NBAS: variants seen among roughly 807,000 people sequenced by gnomAD.
NBAS encodes NAG/BC035112 fusion.
A neutral mutation model predicts 302.5 loss-of-function variants in NBAS; 219 were observed. The observed-to-expected ratio is 0.72, with a 90% CI of 0.65 to 0.81. NBAS has a LOEUF of 0.81. Ranked by LOEUF, NBAS falls within the 30% of genes least tolerant of loss-of-function variation. The probability of loss-of-function intolerance (pLI) is 0.00; values close to 1 mark genes in which losing one functional copy is unlikely to be tolerated. For synonymous variants in NBAS, 1,118 were observed against 1,021.6 expected (o/e 1.09, Z -1.80); for missense variants, 2,932 against 2,841.6 (o/e 1.03, Z -0.72).
intron 51 of NBAS, 28 bp downstream of exon 51, chr2:15,178,956 AAAAG>A (rs767093987): frequency 4.3e-6 from 7 of 1,613,368 alleles, no homozygotes; most frequent in Admixed American, 3.3e-5. Flanking sequence ...TAAAAAAAAA[AAAAG>A]AAAGAAAGTA....
At chr2:15,090,038 G>A in the NBAS span, among the ~76,000 whole-genome samples, 6 of 152,124 alleles carry the variant, frequency 3.9e-5, no homozygotes, top group South Asian at 4.1e-4. Context: ...GTGAGCCACC[G>A]TGCCCGGCCT....
rs1474872326 is a variant in NBAS, at chr2:15,186,849, T to C, written c.6604A>G (p.Thr2202Ala). 1 of 1,613,924 alleles carries C rather than the reference T, an allele frequency of 6.2e-7. No homozygotes were observed. Among genetic ancestry groups the C allele is most frequent in the African/African-American group, 1.3e-5 (1 of 74,892 alleles). ...ATCGTACATCTGGTTAGCATCACTGTAGCTAGTCTCACCCATGGATTATTG... is the reference window on the plus strand; with the variant it reads ...ATCGTACATCTGGTTAGCATCACTGCAGCTAGTCTCACCCATGGATTATTG... ...ITNNPWVRLATVMLTRCTMEN... is the reference protein window; with the variant it reads ...ITNNPWVRLAAVMLTRCTMEN... The change falls in exon 50 of 52, where the codon ACA becomes GCA. Residue 2202 changes from threonine (T) to alanine (A), a missense_variant. Thr to Ala is a moderately conservative substitution (Grantham distance 58, BLOSUM62 0). Transcript: ENST00000281513.
chr2:15,220,767 C>T (rs1163911588), intron 47 of NBAS, among the ~76,000 whole-genome samples: 2 of 152,170 alleles, frequency 1.3e-5, no homozygotes, highest in Admixed American at 6.5e-5. Flanking sequence ...TAGCCAGATC[C>T]TTATAAGGCT....
chr2:15,338,084 C>T lies in NBAS; in HGVS notation c.4180-7319G>A, dbSNP rs114489768. Among the ~76,000 whole-genome samples the T allele has an allele frequency of 3.6e-3, 552 of 152,304 alleles. 3 individuals carry two copies. The highest frequency in any genetic ancestry group is 0.012 in the African/African-American group (519 of 41,560). ...TTTTCAAATCCTGTAACAACAGACACCATCACCAAACAAGTTCACAAGAAC... is the reference window on the plus strand; with the variant it reads ...TTTTCAAATCCTGTAACAACAGACATCATCACCAAACAAGTTCACAAGAAC... On this transcript the variant is annotated intron_variant, in intron 35 of 51. Coordinates refer to ENST00000281513, the MANE Select transcript of NBAS (RefSeq NM_015909.4).
chr2:15,551,341 A>T, intron 6 of NBAS, 152 bp downstream of exon 6: 2 of 97,644 alleles, frequency 2.0e-5, no homozygotes, highest in Non-Finnish European at 3.4e-5. Flanking sequence ...TTAAGACAGT[A>T]AAAAAAAAAA....
chr2:15,131,046 CT>C, the NBAS span, among the ~76,000 whole-genome samples: 1 of 152,128 alleles, frequency 6.6e-6, no homozygotes, highest in South Asian at 2.1e-4. Flanking sequence ...TACGCCAACC[CT>C]TTTTATACTA....
the NBAS span, among the ~76,000 whole-genome samples, chr2:14,990,039 T>C: frequency 1.3e-5 from 2 of 152,258 alleles, no homozygotes; most frequent in African/African-American, 2.4e-5. Flanking sequence ...TGGTTAACTT[T>C]TCTTTTTTTC....
At chr2:15,226,304 G>A (rs2147909378) in intron 47 of NBAS, among the ~76,000 whole-genome samples, 1 of 152,160 alleles carries the variant, frequency 6.6e-6, no homozygotes, top group East Asian at 1.9e-4. Context: ...TTGTTTCCTT[G>A]TTTTTAAAAT....
At chr2:15,067,138 C>T in the NBAS span, among the ~76,000 whole-genome samples, 1 of 111,272 alleles carries the variant, frequency 9.0e-6, no homozygotes, top group African/African-American at 3.8e-5. Flanking sequence ...GCCTGAGCAA[C>T]ATAGTGAGAC....
chr2:15,193,530 A>G (rs1437849859), intron 48 of NBAS, among the ~76,000 whole-genome samples: 1 of 152,190 alleles, frequency 6.6e-6, no homozygotes, highest in African/African-American at 2.4e-5. Context: ...GTGCCCAAAT[A>G]TTAAAATATC....
At chr2:15,216,174 T>C (rs142772182) in intron 48 of NBAS, among the ~76,000 whole-genome samples, 1 of 152,362 alleles carries the variant, frequency 6.6e-6, no homozygotes, top group Admixed American at 6.5e-5. Flanking sequence ...GAGAAGACTC[T>C]AGATGAGTAG....
intron 44 of NBAS, among the ~76,000 whole-genome samples, chr2:15,248,139 A>C (rs1311017096): frequency 2.0e-5 from 3 of 152,230 alleles, no homozygotes; most frequent in Non-Finnish European, 2.9e-5. Flanking sequence ...AGAACTCAGG[A>C]TTAAGAAACT....
chr2:15,493,714 T>G (rs1192457509), intron 11 of NBAS, among the ~76,000 whole-genome samples: 1 of 151,996 alleles, frequency 6.6e-6, no homozygotes, highest in Non-Finnish European at 1.5e-5. Context: ...TAAACCATGA[T>G]TCTTCATACT....
the NBAS span, among the ~76,000 whole-genome samples, chr2:14,964,444 TCAAAA>T: frequency 6.6e-6 from 1 of 151,980 alleles, no homozygotes; most frequent in Non-Finnish European, 1.5e-5. Context: ...TCACAACTAT[TCAAAA>T]CAAAACACAG....
At chr2:15,473,426 T>C (rs1680044480) in intron 15 of NBAS, 79 bp from the exon 16 acceptor site, 1 of 1,553,572 alleles carries the variant, frequency 6.4e-7, no homozygotes, top group African/African-American at 1.4e-5. Flanking sequence ...CAATGAATGA[T>C]GATAATCCCT....
intron 31 of NBAS, among the ~76,000 whole-genome samples, chr2:15,370,622 T>G (rs563512054): frequency 1.2e-4 from 18 of 152,168 alleles, no homozygotes; most frequent in Non-Finnish European, 2.2e-4. Context: ...ACCCTTTGCA[T>G]CAGTGTGCCC....
chr2:15,318,714 T>C (rs1331469067), intron 38 of NBAS, among the ~76,000 whole-genome samples: 1 of 152,114 alleles, frequency 6.6e-6, no homozygotes, highest in Non-Finnish European at 1.5e-5. Context: ...CCTAAATATA[T>C]ATGCACCCAA....
At chr2:15,551,943 T>C (rs1664404315) in intron 5 of NBAS, among the ~76,000 whole-genome samples, 1 of 152,212 alleles carries the variant, frequency 6.6e-6, no homozygotes, top group African/African-American at 2.4e-5. Flanking sequence ...TTACAAAGTT[T>C]GATCACTTAG....
intron 30 of NBAS, among the ~76,000 whole-genome samples, chr2:15,376,005 T>C (rs564420305): frequency 6.6e-6 from 1 of 152,206 alleles, no homozygotes; most frequent in African/African-American, 2.4e-5. Flanking sequence ...ATCAAATGTT[T>C]TGGAAGGATA....
Sources: allele counts gnomAD v4.1 joint callset (sites outside exome capture counted in the v4.1 genomes callset), GRCh38; gene constraint gnomAD v4.1.1; transcripts MANE v1.5; gene names NCBI Gene and HGNC (gene_info 2026-07-23, HGNC 2026-07-21).